The following DAB1 variants were observed in gnomAD, a reference collection of about 807,000 sequenced individuals.
DAB1 encodes the protein DAB adaptor protein 1, also known as disabled homolog 1.
In DAB1, 15 loss-of-function variants were observed where a neutral mutation model predicts 64.6. That is an observed-to-expected ratio of 0.23 (90% CI 0.16 to 0.36). The LOEUF is 0.36. Among genes scored for constraint, DAB1 ranks in the 10% least tolerant of loss-of-function variants. The pLI, the probability that DAB1 is intolerant of heterozygous loss-of-function variation, is 1.00. For missense variants in DAB1, 596 were observed against 706.7 expected, an observed-to-expected ratio of 0.84 and a Z score of 1.78; for synonymous variants, 235 against 251.9, an observed-to-expected ratio of 0.93 and a Z score of 0.64.
intron 4 of DAB1, among the ~76,000 whole-genome samples, chr1:57,103,358 A>T (rs1007503671): frequency 6.6e-6 from 1 of 152,162 alleles, no homozygotes; most frequent in African/African-American, 2.4e-5. Flanking sequence ...TTAGGCCCAG[A>T]TCTCCCAGGC....
At chr1:57,829,175 C>T (rs1652480738) in intron 1 of DAB1, among the ~76,000 whole-genome samples, 1 of 152,168 alleles carries the variant, frequency 6.6e-6, no homozygotes. Flanking sequence ...TGATTCTTCT[C>T]TTGCCAAGGT....
chr1:57,038,377 T>A (rs780860035), intron 9 of DAB1, among the ~76,000 whole-genome samples: 3 of 152,216 alleles, frequency 2.0e-5, no homozygotes, highest in Non-Finnish European at 4.4e-5. Context: ...AAGATTCATG[T>A]TTCAAATGGA....
At chr1:58,121,551 A>G (rs1652737428) in intron 5 of DAB1, among the ~76,000 whole-genome samples, 1 of 152,202 alleles carries the variant, frequency 6.6e-6, no homozygotes, top group Non-Finnish European at 1.5e-5. Flanking sequence ...CATCTTCCCA[A>G]TTAGAATACA....
At chr1:58,517,137 A>G (rs527493769) in intron 2 of DAB1, among the ~76,000 whole-genome samples, 1 of 152,300 alleles carries the variant, frequency 6.6e-6, no homozygotes, top group South Asian at 2.1e-4. Flanking sequence ...TCAGACTACA[A>G]AACAGATTTG....
chr1:57,541,728 G>A (rs1190604816), intron 7 of DAB1, among the ~76,000 whole-genome samples: 1 of 152,138 alleles, frequency 6.6e-6, no homozygotes, highest in African/African-American at 2.4e-5. Context: ...AAAAAACAAG[G>A]TAATGAACAT....
At chr1:58,250,594 G>T (rs1444162571) in intron 4 of DAB1, among the ~76,000 whole-genome samples, 1 of 152,210 alleles carries the variant, frequency 6.6e-6, no homozygotes, top group Non-Finnish European at 1.5e-5. Flanking sequence ...TCGCCACCTA[G>T]CGCGGAATGC....
At chr1:57,889,894 TG>T (rs1259975929) in intron 5 of DAB1, among the ~76,000 whole-genome samples, 11 of 8,026 alleles carry the variant, frequency 1.4e-3, no homozygotes, top group African/African-American at 5.0e-3. Context: ...TAGCACAAAC[TG>T]GGGCGGGGGG....
intron 4 of DAB1, among the ~76,000 whole-genome samples, chr1:58,186,732 T>A (rs1657096264): frequency 6.6e-6 from 1 of 152,334 alleles, no homozygotes; most frequent in East Asian, 1.9e-4. Context: ...CTTCCTCATA[T>A]GTCTGAGCAT....
At chr1:57,665,129 T>C (rs1646430960) in intron 6 of DAB1, among the ~76,000 whole-genome samples, 1 of 152,068 alleles carries the variant, frequency 6.6e-6, no homozygotes, top group Non-Finnish European at 1.5e-5. Flanking sequence ...AATGCAATGC[T>C]TCTTCTATAA....
At chr1:57,885,022 C>A (rs752683003), upstream of DAB1, among the ~76,000 whole-genome samples, 2 of 152,190 alleles carry the variant, frequency 1.3e-5, no homozygotes, top group Non-Finnish European at 2.9e-5. Flanking sequence ...GTATAGCCTG[C>A]AGAACTGTGA....
intron 3 of DAB1, among the ~76,000 whole-genome samples, chr1:58,400,312 TC>T (rs1393990708): frequency 7.2e-5 from 11 of 151,928 alleles, no homozygotes; most frequent in Non-Finnish European, 1.5e-4. Context: ...GGGCCACCTC[TC>T]AGTTCCAGAA....
In DAB1 at chr1:57,501,518, A is replaced by C. The variant is rs144889293; in HGVS notation, n.625+148074T>G. On this transcript the variant is annotated intron_variant and non_coding_transcript_variant, in intron 7 of 20. Coordinates refer to the DAB1 transcript ENST00000485760. ...GATACACCCAAAGGATTAGATAGAC[A>C]CACAGCAACAGATGCCAGATATACC... Among the ~76,000 whole-genome samples, 795 of 152,338 alleles carry C rather than the reference A, an allele frequency of 5.2e-3. 2 individuals carry two copies. Among genetic ancestry groups the C allele is most frequent in the South Asian group, 0.026 (123 of 4,820 alleles).
intron 2 of DAB1, among the ~76,000 whole-genome samples, chr1:57,191,928 G>A (rs492445): frequency 0.2 from 29,686 of 151,802 alleles, 5,067 homozygotes; most frequent in African/African-American, 0.44. Context: ...AAATTGAACA[G>A]AGGGCCATAC....
intron 2 of DAB1, among the ~76,000 whole-genome samples, chr1:57,195,731 C>T (rs112204353): frequency 3.3e-5 from 5 of 152,332 alleles, no homozygotes; most frequent in African/African-American, 1.2e-4. Context: ...GCCTCAGCTT[C>T]AGTTTCCTGG....
Position 57,850,141 on chromosome 1 carries a change from C to A in DAB1, n.88-23686G>T, listed in dbSNP as rs1484731577. On this transcript the variant is annotated intron_variant and non_coding_transcript_variant, in intron 1 of 1. Transcript: ENST00000477280. ...GCTGCTCTGAAGAGAAGGAGAGAAC[C>A]AGGACAGAGGGGCTGAGGGTCTTAC... Among the ~76,000 whole-genome samples, 3 of 152,256 alleles carry A rather than the reference C, an allele frequency of 2.0e-5. 1 individual carries two copies. In the South Asian group the frequency reaches 6.2e-4, roughly 32 times the overall value.
At chr1:57,580,665 G>T (rs1442965964) in intron 7 of DAB1, among the ~76,000 whole-genome samples, 1 of 152,100 alleles carries the variant, frequency 6.6e-6, no homozygotes, top group Non-Finnish European at 1.5e-5. Flanking sequence ...AGACCATACA[G>T]GGACTTAGCC....
At chr1:58,251,845 G>T (rs1394300088) in intron 4 of DAB1, among the ~76,000 whole-genome samples, 3 of 152,104 alleles carry the variant, frequency 2.0e-5, no homozygotes, top group Admixed American at 1.3e-4. Context: ...TGTACTGAAG[G>T]GGGCGTGGGT....
At chr1:57,314,592 C>A (rs529771546) in intron 1 of DAB1, among the ~76,000 whole-genome samples, 4 of 152,228 alleles carry the variant, frequency 2.6e-5, no homozygotes, top group Admixed American at 1.3e-4. Flanking sequence ...TCCCACAGAA[C>A]GCTCTATCTC....
intron 5 of DAB1, among the ~76,000 whole-genome samples, chr1:58,090,766 G>GAGTC (rs1313846553): frequency 6.6e-6 from 1 of 152,162 alleles, no homozygotes. Context: ...GCCCAGTACA[G>GAGTC]AGTCACACAG....
Sources: gnomAD v4.1 joint callset for allele counts (sites outside exome capture counted in the v4.1 genomes callset) on GRCh38, gnomAD v4.1.1 for gene constraint, MANE v1.5 for transcripts, NCBI Gene and HGNC (gene_info 2026-07-23, HGNC 2026-07-21) for gene names.